Variants in LGI4 observed in about 807,000 individuals in gnomAD.
LGI4 encodes the protein leucine-rich repeat LGI family member 4.
A neutral mutation model predicts 48.3 loss-of-function variants in LGI4; 36 were observed. The ratio of observed to expected loss-of-function variants is 0.75; its 90% CI spans 0.57 to 0.98. LGI4 has a LOEUF of 0.98. Among genes scored for constraint, LGI4 ranks in the 50% least tolerant of loss-of-function variants. LGI4 has a pLI of 0.00. For missense variants in LGI4, 701 were observed against 732.1 expected, an observed-to-expected ratio of 0.96 and a Z score of 0.49; for synonymous variants, 355 against 331.6, an observed-to-expected ratio of 1.07 and a Z score of -0.77.
In LGI4 at chr19:35,131,869, G is replaced by A. The variant is rs2065178034; in HGVS notation, c.387-9C>T. The A allele has an allele frequency of 6.4e-6, 10 of 1,570,150 alleles. No individual in the cohort carries two copies. The East Asian group carries it at 2.3e-4, about 37-fold the overall frequency. On this transcript the variant is annotated splice_polypyrimidine_tract_variant and intron_variant, in intron 4 of 8. Coordinates refer to ENST00000310123, the MANE Select transcript of LGI4 (RefSeq NM_139284.3). Reference sequence around the variant, plus strand: ...GGTTATTGGCCAGGCTTCTGGTGGAGGAAGAGAAGGCACCGTCAGCAGCCA... The same window carrying A: ...GGTTATTGGCCAGGCTTCTGGTGGAAGAAGAGAAGGCACCGTCAGCAGCCA...
chr19:35,134,037 G>C lies in LGI4; in HGVS notation c.238C>G (p.Leu80Val), dbSNP rs757508155. The C allele has an allele frequency of 1.9e-6, 3 of 1,560,418 alleles. No individual in the cohort carries two copies. In the South Asian group the frequency reaches 3.6e-5, roughly 18 times the overall value. The change falls in exon 2 of 9, where the codon CTG becomes GTG. Residue 80 changes from leucine (L) to valine (V), a missense_variant. Physicochemically the swap from Leu to Val is conservative, Grantham distance 32. Around this residue, in one of 3 missense-constraint regions of LGI4, gnomAD observed 462 missense variants for 436.4 expected, o/e 1.06. Transcript: ENST00000310123. ...GSFLRIPSLHLLLFTSNSFSV... is the reference protein window; with the variant it reads ...GSFLRIPSLHVLLFTSNSFSV... Reference sequence around the variant, plus strand: ...GCCCAGCCAGGCCCCACTCACAGCAGGTGCAGAGACGGAATTCTCAGGAAG... The same window carrying C: ...GCCCAGCCAGGCCCCACTCACAGCACGTGCAGAGACGGAATTCTCAGGAAG...
Position 35,131,990 on chromosome 19 carries a change from G to C in LGI4, c.367C>G (p.Leu123Val). 1 of 1,589,182 alleles carries C rather than the reference G, an allele frequency of 6.3e-7. No individual in the cohort carries two copies. ...GSISKNALRG[L>V]RSLTHLSLAN... ...ACGCACAGGTGTGTAAGCGAGCGAA[G>C]TCCTCTGAGGGCATTCTTAGAGATG... Residue 123 changes from leucine to valine, a missense_variant, in exon 4 of 9, where the codon CTT (leucine) becomes GTT (valine). Physicochemically the swap from Leu to Val is conservative, Grantham distance 32. This residue lies in a region of LGI4 where 462 missense variants were observed against 436.4 expected (regional missense o/e 1.06). Transcript: ENST00000310123.
rs1388084789 is a variant in LGI4, at chr19:35,131,538, G to A, written c.476C>T (p.Pro159Leu). The change falls in exon 6 of 9, where the codon CCG becomes CTG. Residue 159 changes from proline to leucine, a missense_variant. This residue lies in a region of LGI4 where 462 missense variants were observed against 436.4 expected (regional missense o/e 1.06). Coordinates refer to ENST00000310123, the MANE Select transcript of LGI4 (RefSeq NM_139284.3). ...GAGGACGCGGCAGTCACACTGGAAC[G>A]GGTTCCCGCGGAGGTCCCTGGGGCA... ...TLTHVDLRGN[P>L]FQCDCRVLWL... 3.2e-6 allele frequency: 5 copies of A among 1,550,786 alleles called. No individual in the cohort carries two copies. The highest frequency in any genetic ancestry group is 1.7e-4 in the Middle Eastern group (1 of 5,978).
Position 35,125,228 on chromosome 19 carries a change from T to A in LGI4, c.1579A>T (p.Ile527Phe), listed in dbSNP as rs749440239. The change falls in exon 9 of 9, where the codon ATC becomes TTC. Residue 527 changes from isoleucine to phenylalanine, a missense_variant. This residue lies in a region of LGI4 where 223 missense variants were observed against 263.3 expected (regional missense o/e 0.85). Coordinates refer to ENST00000310123, the MANE Select transcript of LGI4 (RefSeq NM_139284.3). ...FAACFKGPTQ[I>F]YQHHEIDLSA ...AGGTCGATCTCGTGATGCTGGTAGA[T>A]CTGTGTGGGGCCCTTAAAGCAAGCA... The A allele has an allele frequency of 1.3e-6, 2 of 1,556,276 alleles. No individual in the cohort carries two copies. The highest frequency in any genetic ancestry group is 1.7e-6 in the Non-Finnish European group (2 of 1,148,562).
In LGI4 at chr19:35,125,091, C is replaced by T. The variant is rs14358; in HGVS notation, c.*102G>A. On this transcript the variant is annotated 3_prime_UTR_variant, in exon 9 of 9. Transcript: ENST00000310123. ...ACGTGTGGCTGATGAACGTGGCCCACGGTCAGCAGCTCACAGGCGGGCCAT... is the reference window on the plus strand; with the variant it reads ...ACGTGTGGCTGATGAACGTGGCCCATGGTCAGCAGCTCACAGGCGGGCCAT... 0.35 allele frequency: 356,258 copies of T among 1,008,976 alleles called. 64,913 individuals are homozygous for T. The highest frequency in any genetic ancestry group is 0.55 in the South Asian group (27,956 of 50,888). The allele number at this position is 1,008,976 out of a possible 1,614,324, so 62.5% of individuals were successfully genotyped here. A position where few individuals can be genotyped will look rare whatever the true frequency, so the allele number is the denominator to read the frequency against.
Position 35,126,422 on chromosome 19 carries a change from C to G in LGI4, c.1147G>C (p.Ala383Pro). ...DGRPHLLLASASQRPVLFHWT... is the reference protein window; with the variant it reads ...DGRPHLLLASPSQRPVLFHWT... Reference sequence around the variant, plus strand: ...TGGAAGAGCACGGGCCGCTGGGAAGCCGAGGCCAGCAGCAGGTGGGGCCGG... The same window carrying G: ...TGGAAGAGCACGGGCCGCTGGGAAGGCGAGGCCAGCAGCAGGTGGGGCCGG... Residue 383 changes from alanine (A) to proline (P), a missense_variant, in exon 8 of 9, where the codon GCT (alanine) becomes CCT (proline). Around this residue, in one of 3 missense-constraint regions of LGI4, gnomAD observed 223 missense variants for 263.3 expected, o/e 0.85. Transcript: ENST00000310123. The G allele has an allele frequency of 2.5e-6, 4 of 1,605,260 alleles. No individual in the cohort carries two copies. Among genetic ancestry groups the G allele is most frequent in the Non-Finnish European group, 3.4e-6 (4 of 1,177,548 alleles).
chr19:35,129,930 TGGCTGGA>T (rs1453782606), intron 6 of LGI4, among the ~76,000 whole-genome samples: 1 of 152,180 alleles, frequency 6.6e-6, no homozygotes, highest in Non-Finnish European at 1.5e-5. Context: ...AACCGCCTTA[TGGCTGGA>T]GGTGAGACAT....
Position 35,132,006 on chromosome 19 carries a change from C to T in LGI4, c.351G>A (p.Lys117=), listed in dbSNP as rs767505056. 6.3e-7 allele frequency: 1 copy of T among 1,587,716 alleles called. No individual in the cohort carries two copies. Among genetic ancestry groups the T allele is most frequent in the Non-Finnish European group, 8.6e-7 (1 of 1,166,708 alleles). Residue 117 remains lysine, a synonymous_variant, in exon 4 of 9, where the codon AAG becomes AAA. Coordinates refer to ENST00000310123, the MANE Select transcript of LGI4 (RefSeq NM_139284.3). ...IEDNEIGSIS[K]NALRGLRSLT... ...GCGAGCGAAGTCCTCTGAGGGCATT[C>T]TTAGAGATGGAGCCAATCTCATTGT...
rs369194499 is a variant in LGI4 at position 35,126,625 on chromosome 19, A to T, written c.944T>A (p.Leu315Gln). The change falls in exon 8 of 9, where the codon CTG becomes CAG. Residue 315 changes from leucine (L) to glutamine (Q), a missense_variant. Leu to Gln is a moderately radical substitution (Grantham distance 113). Around this residue, in one of 3 missense-constraint regions of LGI4, gnomAD observed 462 missense variants for 436.4 expected, o/e 1.06. Transcript: ENST00000310123. ...CAGGAGCTCGGCGTCATTGGGCCGC[A>T]GCAGCCGCCGCGGGGCCAGGGTCTG... is the stretch of plus-strand genomic sequence containing the variant. ...PTQTLAPRRL[L>Q]RPNDAELLWL... is the part of the protein sequence containing the mutation. The T allele has an allele frequency of 7.0e-5, 108 of 1,540,884 alleles. No individual in the cohort carries two copies. In the African/African-American group the frequency reaches 1.2e-3, roughly 18 times the overall value.
intron 3 of LGI4, 136 bp from the exon 4 acceptor site, chr19:35,132,178 A>T: frequency 1.4e-6 from 1 of 737,006 alleles, no homozygotes. Flanking sequence ...CCTCTCAAAA[A>T]CCTCTCCTCC....
intron 3 of LGI4, 149 bp downstream of exon 3, chr19:35,133,544 G>A: frequency 6.1e-6 from 9 of 1,473,656 alleles, no homozygotes; most frequent in Non-Finnish European, 8.1e-6. Context: ...ATCACCATTG[G>A]GTTCGCCATT....
intron 1 of LGI4, 105 bp downstream of exon 1, chr19:35,134,406 C>A: frequency 5.0e-6 from 6 of 1,195,748 alleles, no homozygotes; most frequent in Non-Finnish European, 7.1e-6. Flanking sequence ...CTCCTGAGAT[C>A]CTGATGGGCC....
chr19:35,128,075 C>T (rs2065151998), intron 6 of LGI4, among the ~76,000 whole-genome samples: 1 of 152,256 alleles, frequency 6.6e-6, no homozygotes, highest in Admixed American at 6.5e-5. Context: ...GTCTCCTTTC[C>T]CACCACGTGG....
chr19:35,131,428 G>C lies in LGI4; in HGVS notation c.586C>G (p.Leu196Val). 6.4e-7 allele frequency: 1 copy of C among 1,552,340 alleles called. No individual in the cohort carries two copies. Among genetic ancestry groups the C allele is most frequent in the Non-Finnish European group, 8.7e-7 (1 of 1,147,236 alleles). Reference protein sequence around the residue: ...AGPASLSHMQLHHLDPKTFKC... With the variant: ...AGPASLSHMQVHHLDPKTFKC... ...AAAGTCTTGGGGTCGAGGTGGTGGA[G>C]CTGCATGTGGCTCAGGGAGGCGGGG... Residue 196 changes from leucine to valine, a missense_variant, in exon 6 of 9, where the codon CTC becomes GTC. By Grantham distance (32) the Leu-to-Val change is conservative. Around this residue, in one of 3 missense-constraint regions of LGI4, gnomAD observed 462 missense variants for 436.4 expected, o/e 1.06. Coordinates refer to ENST00000310123, the MANE Select transcript of LGI4 (RefSeq NM_139284.3).
intron 5 of LGI4, 51 bp downstream of exon 5, chr19:35,131,738 C>A (rs377032733): frequency 6.8e-7 from 1 of 1,467,656 alleles, no homozygotes; most frequent in Non-Finnish European, 9.3e-7. Flanking sequence ...TGCCCCCCGC[C>A]GACACAAACA....
chr19:35,131,351 C>A, intron 6 of LGI4, 35 bp downstream of exon 6: 1 of 1,550,002 alleles, frequency 6.5e-7, no homozygotes, highest in Non-Finnish European at 8.7e-7. Flanking sequence ...TCCCCCAGAT[C>A]TCCCGCCTCC....
intron 5 of LGI4, 76 bp from the exon 6 acceptor site, chr19:35,131,631 G>GC (rs771837273): frequency 6.6e-7 from 1 of 1,504,600 alleles, no homozygotes; most frequent in Non-Finnish European, 8.9e-7. Flanking sequence ...CCCACCTCAG[G>GC]CAAGTGTCCC....
intron 1 of LGI4, 77 bp from the exon 2 acceptor site, chr19:35,134,181 C>T (rs1325111041): frequency 1.5e-5 from 20 of 1,346,162 alleles, no homozygotes; most frequent in East Asian, 5.0e-5. Flanking sequence ...TTCTGCCATC[C>T]GGGAGACCCC....
rs760302939 is a variant in LGI4, at chr19:35,131,327, GC to G, written c.628+58del. On this transcript the variant is annotated intron_variant, in intron 6 of 8. Transcript: ENST00000310123. ...GGCAGGGAGTGAGACGAGCCTCTTG[GC>G]CCTGGCAGCCTTTCCCCCAGATCTC... 6 of 1,542,424 alleles carry G rather than the reference GC, an allele frequency of 3.9e-6. No individual in the cohort carries two copies. In the South Asian group the frequency reaches 7.2e-5, roughly 18 times the overall value.
Sources: allele counts gnomAD v4.1 joint callset (sites outside exome capture counted in the v4.1 genomes callset), GRCh38; gene constraint gnomAD v4.1.1; regional missense constraint gnomAD v4.1.1; transcripts MANE v1.5; gene names NCBI Gene and HGNC (gene_info 2026-07-23, HGNC 2026-07-21).